Variants in SUGCT observed in about 807,000 individuals in gnomAD.
The protein encoded by SUGCT is succinyl-CoA:glutarate-CoA transferase, also known as succinyl-CoA:glutarate CoA-transferase.
A neutral mutation model predicts 55.0 loss-of-function variants in SUGCT; 41 were observed. The observed-to-expected ratio is 0.74, with a 90% confidence interval of 0.58 to 0.97. The LOEUF is 0.97. Among genes scored for constraint, SUGCT ranks in the 50% least tolerant of loss-of-function variants. The probability of loss-of-function intolerance (pLI) is 0.00; values close to 1 mark genes in which losing one functional copy is unlikely to be tolerated. For synonymous variants in SUGCT, 187 were observed against 200.4 expected (o/e 0.93, Z 0.56); for missense variants, 568 against 547.8 (o/e 1.04, Z -0.37).
chr7:40,141,185 CTTTTT>C (rs1378818800), intron 1 of SUGCT, among the ~76,000 whole-genome samples: 1 of 142,438 alleles, frequency 7.0e-6, no homozygotes, highest in East Asian at 2.0e-4. Flanking sequence ...ATTTCTTTTC[CTTTTT>C]TTTTTTTGAG....
intron 12 of SUGCT, among the ~76,000 whole-genome samples, chr7:40,549,624 G>A (rs943887809): frequency 1.3e-5 from 2 of 152,188 alleles, no homozygotes; most frequent in African/African-American, 4.8e-5. Flanking sequence ...TATTATGATT[G>A]ATTGGCCCAA....
intron 9 of SUGCT, among the ~76,000 whole-genome samples, chr7:40,409,470 G>A (rs2151338457): frequency 6.6e-6 from 1 of 152,068 alleles, no homozygotes; most frequent in African/African-American, 2.4e-5. Flanking sequence ...CTGCTGTCCA[G>A]TCTGATCCTG....
chr7:40,254,773 C>G (rs926587042), intron 7 of SUGCT, among the ~76,000 whole-genome samples: 1 of 151,846 alleles, frequency 6.6e-6, no homozygotes, highest in Non-Finnish European at 1.5e-5. Context: ...TTATATTCCT[C>G]TATCATTCAA....
chr7:40,538,154 CTA>C (rs1268497249), intron 12 of SUGCT: 1 of 152,030 alleles, frequency 6.6e-6, no homozygotes, highest in Non-Finnish European at 1.5e-5. Flanking sequence ...AGTTTTATTG[CTA>C]TGATTAATAA....
intron 13 of SUGCT, among the ~76,000 whole-genome samples, chr7:40,803,100 T>G (rs1445681585): frequency 3.3e-5 from 5 of 152,232 alleles, no homozygotes; most frequent in Admixed American, 3.3e-4. Flanking sequence ...CACCAATTTT[T>G]ATCAACTATA....
At chr7:40,717,676 G>T (rs1302555014) in intron 12 of SUGCT, among the ~76,000 whole-genome samples, 1 of 152,208 alleles carries the variant, frequency 6.6e-6, no homozygotes, top group African/African-American at 2.4e-5. Flanking sequence ...TCAGTGATTA[G>T]TTGAATAAAT....
At chr7:40,761,124 C>T (rs544174960) in intron 13 of SUGCT, among the ~76,000 whole-genome samples, 8 of 152,316 alleles carry the variant, frequency 5.3e-5, no homozygotes, top group South Asian at 2.1e-4. Context: ...GTGCCAAGTC[C>T]TGGCTGACAA....
At chr7:40,333,749 G>T (rs1164538028) in intron 9 of SUGCT, among the ~76,000 whole-genome samples, 1 of 80,192 alleles carries the variant, frequency 1.2e-5, no homozygotes, top group East Asian at 7.7e-4. Context: ...TGACAGCATC[G>T]ACCAGTGGCT....
chr7:40,350,091 A>G (rs1797534622), intron 9 of SUGCT, among the ~76,000 whole-genome samples: 1 of 152,020 alleles, frequency 6.6e-6, no homozygotes, highest in African/African-American at 2.4e-5. Flanking sequence ...CCTAGCAGAA[A>G]ATCTGTAGCA....
chr7:40,316,702 TTATGAG>T, intron 8 of SUGCT, 52 bp from the exon 9 acceptor site: 3 of 1,134,078 alleles, frequency 2.6e-6, no homozygotes, highest in Admixed American at 4.2e-5. Context: ...AACGTTCTCT[TTATGAG>T]TATAGATAAA....
intron 12 of SUGCT, among the ~76,000 whole-genome samples, chr7:40,661,304 G>A (rs767100723): frequency 6.6e-5 from 10 of 151,962 alleles, no homozygotes; most frequent in African/African-American, 2.4e-4. Context: ...AAAACCAACC[G>A]CTTCAGTTTT....
intron 12 of SUGCT, among the ~76,000 whole-genome samples, chr7:40,591,875 G>A (rs1225091719): frequency 6.6e-6 from 1 of 152,142 alleles, no homozygotes; most frequent in Non-Finnish European, 1.5e-5. Flanking sequence ...GTTCAATATA[G>A]TGTAAACATA....
At chr7:41,031,871 T>G in the SUGCT span, among the ~76,000 whole-genome samples, 1 of 152,126 alleles carries the variant, frequency 6.6e-6, no homozygotes, top group Non-Finnish European at 1.5e-5. Context: ...CTCTCCACCT[T>G]GTACTTACCT....
chr7:40,942,767 CT>C, the SUGCT span, among the ~76,000 whole-genome samples: 57,492 of 149,264 alleles, frequency 0.39, 11,563 homozygotes, highest in Admixed American at 0.49. Flanking sequence ...AATTCTCTGT[CT>C]TTTTTTTTTG....
chr7:40,171,298 G>C (rs1315218545), intron 1 of SUGCT, among the ~76,000 whole-genome samples: 1 of 152,198 alleles, frequency 6.6e-6, no homozygotes, highest in East Asian at 1.9e-4. Flanking sequence ...TGTAAGGCTT[G>C]CCTGAGTGTA....
intron 12 of SUGCT, among the ~76,000 whole-genome samples, chr7:40,676,025 T>C (rs1316853809): frequency 6.6e-6 from 1 of 152,108 alleles, no homozygotes; most frequent in Non-Finnish European, 1.5e-5. Flanking sequence ...TAATACCAAA[T>C]ATATAATTAA....
At chr7:40,774,067 C>T (rs189645153) in intron 13 of SUGCT, among the ~76,000 whole-genome samples, 32 of 152,230 alleles carry the variant, frequency 2.1e-4, no homozygotes, top group African/African-American at 6.3e-4. Flanking sequence ...ACAATACTTC[C>T]GAATTCAACC....
intron 9 of SUGCT, among the ~76,000 whole-genome samples, chr7:40,339,385 G>T (rs375105731): frequency 8.1e-4 from 123 of 152,266 alleles, no homozygotes; most frequent in African/African-American, 2.9e-3. Flanking sequence ...GAGCTGCGGT[G>T]GGCTCCACCT....
chr7:40,433,669 C>A (rs1043976699), intron 9 of SUGCT, among the ~76,000 whole-genome samples: 2 of 152,140 alleles, frequency 1.3e-5, no homozygotes, highest in South Asian at 2.1e-4. Flanking sequence ...AAGAGGAATG[C>A]TCAGTTGCAT....
Sources: gnomAD v4.1 joint callset for allele counts (sites outside exome capture counted in the v4.1 genomes callset) on GRCh38, gnomAD v4.1.1 for gene constraint, MANE v1.5 for transcripts, NCBI Gene and HGNC (gene_info 2026-07-23, HGNC 2026-07-21) for gene names.